Variants in MAF observed in about 807,000 individuals in gnomAD.
MAF encodes MAF bZIP transcription factor, also known as transcription factor Maf.
A neutral mutation model predicts 22.0 loss-of-function variants in MAF; 10 were observed. The ratio of observed to expected loss-of-function variants is 0.45; its 90% CI spans 0.28 to 0.77. MAF has a LOEUF of 0.77. MAF is among the 30% of genes least tolerant of loss of function. MAF has a pLI of 0.12. For missense variants in MAF, 544 were observed against 548.4 expected, an observed-to-expected ratio of 0.99 and a Z score of 0.08; for synonymous variants, 337 against 255.8, an observed-to-expected ratio of 1.32 and a Z score of -3.03.
the MAF span, among the ~76,000 whole-genome samples, chr16:79,521,310 C>G: frequency 1.3e-5 from 2 of 152,184 alleles, no homozygotes; most frequent in Non-Finnish European, 2.9e-5. Context: ...GGGAATTGTC[C>G]TCAGTTTCAA....
the MAF span, among the ~76,000 whole-genome samples, chr16:79,565,509 G>T: frequency 4.4e-4 from 67 of 152,096 alleles, no homozygotes; most frequent in African/African-American, 1.3e-3. Flanking sequence ...CGTGTTGTGG[G>T]GGGGGGGACC....
At chr16:79,448,248 A>G in the MAF span, among the ~76,000 whole-genome samples, 1 of 152,172 alleles carries the variant, frequency 6.6e-6, no homozygotes, top group Non-Finnish European at 1.5e-5. Flanking sequence ...TCCTATTGTA[A>G]GAAATTGCTG....
the MAF span, among the ~76,000 whole-genome samples, chr16:79,500,751 A>G: frequency 6.6e-6 from 1 of 152,192 alleles, no homozygotes; most frequent in African/African-American, 2.4e-5. Context: ...GAGTAAAAAA[A>G]GTACCAGTAG....
chr16:79,509,687 C>T, the MAF span, among the ~76,000 whole-genome samples: 1 of 152,340 alleles, frequency 6.6e-6, no homozygotes, highest in East Asian at 1.9e-4. Context: ...CAGTGGGGGC[C>T]CAGGGCCTGG....
chr16:79,385,350 T>A, the MAF span, among the ~76,000 whole-genome samples: 1 of 152,374 alleles, frequency 6.6e-6, no homozygotes, highest in Admixed American at 6.5e-5. Context: ...ACTTCTAATA[T>A]GAATTTTGTC....
chr16:79,243,073 C>T, the MAF span, among the ~76,000 whole-genome samples: 2 of 152,042 alleles, frequency 1.3e-5, no homozygotes, highest in Admixed American at 6.6e-5. Flanking sequence ...AAATTTATAA[C>T]CAGCTAGTCC....
the MAF span, among the ~76,000 whole-genome samples, chr16:79,243,736 T>A: frequency 6.6e-6 from 1 of 152,004 alleles, no homozygotes; most frequent in African/African-American, 2.4e-5. Flanking sequence ...ATCATCCTGA[T>A]ACCAAAACCT....
chr16:79,523,699 T>C, the MAF span, among the ~76,000 whole-genome samples: 1 of 152,180 alleles, frequency 6.6e-6, no homozygotes, highest in Non-Finnish European at 1.5e-5. Context: ...TGTTAGAAGC[T>C]CCATTTTACA....
the MAF span, among the ~76,000 whole-genome samples, chr16:79,288,027 T>C: frequency 6.6e-6 from 1 of 152,130 alleles, no homozygotes. Flanking sequence ...CCCAGTTCCT[T>C]GGGGATATTT....
At chr16:79,425,356 T>C in the MAF span, among the ~76,000 whole-genome samples, 4 of 152,086 alleles carry the variant, frequency 2.6e-5, no homozygotes, top group Non-Finnish European at 5.9e-5. Context: ...GTGTGGCCTC[T>C]ATGGGTAAAA....
At chr16:79,208,641 T>TTTA in the MAF span, among the ~76,000 whole-genome samples, 3 of 151,344 alleles carry the variant, frequency 2.0e-5, no homozygotes, top group Non-Finnish European at 4.4e-5. Context: ...ATTTTTTTTT[T>TTTA]AATCAGTTTA....
At chr16:79,316,772 C>G in the MAF span, among the ~76,000 whole-genome samples, 1,107 of 152,212 alleles carry the variant, frequency 7.3e-3, 14 homozygotes, top group African/African-American at 0.025. Flanking sequence ...AGGAAGGACA[C>G]CCATGGAAGG....
chr16:79,445,612 T>C, the MAF span, among the ~76,000 whole-genome samples: 1 of 152,170 alleles, frequency 6.6e-6, no homozygotes. Flanking sequence ...TCACAGACCC[T>C]TGCTGGATTT....
chr16:79,575,022 A>ATT, the MAF span, among the ~76,000 whole-genome samples: 1,653 of 143,674 alleles, frequency 0.012, 91 homozygotes, highest in Admixed American at 0.09. Flanking sequence ...ATCACTGGGA[A>ATT]TTTTTTTTTT....
chr16:79,585,800 T>C, downstream of MAF: 1 of 590,426 alleles, frequency 1.7e-6, no homozygotes, highest in Non-Finnish European at 2.9e-6. Flanking sequence ...CTTCCTTGCT[T>C]TTCCCTTCAT....
the MAF span, among the ~76,000 whole-genome samples, chr16:79,427,057 C>T: frequency 6.6e-6 from 1 of 152,240 alleles, no homozygotes; most frequent in African/African-American, 2.4e-5. Context: ...CATTGCTGCA[C>T]CGAAAAGTCC....
chr16:79,468,011 G>A, the MAF span, among the ~76,000 whole-genome samples: 3 of 152,112 alleles, frequency 2.0e-5, no homozygotes, highest in African/African-American at 7.2e-5. Context: ...TGATTGATCA[G>A]ACATCAATCC....
At chr16:79,285,766 G>A in the MAF span, among the ~76,000 whole-genome samples, 1 of 152,220 alleles carries the variant, frequency 6.6e-6, no homozygotes, top group African/African-American at 2.4e-5. Flanking sequence ...CGTCCTGCAG[G>A]AAGGCGGGAG....
the MAF span, among the ~76,000 whole-genome samples, chr16:79,465,978 T>C: frequency 1.3e-5 from 2 of 152,256 alleles, no homozygotes; most frequent in African/African-American, 2.4e-5. Flanking sequence ...CAAACTTGTA[T>C]TCATCTGTAA....
Sources: allele counts gnomAD v4.1 joint callset (sites outside exome capture counted in the v4.1 genomes callset), GRCh38; gene constraint gnomAD v4.1.1; transcripts MANE v1.5; gene names NCBI Gene and HGNC (gene_info 2026-07-23, HGNC 2026-07-21).